Variants in ANK3 observed in about 807,000 individuals in gnomAD.
The protein encoded by ANK3 is ankyrin-3.
Under a neutral mutation model 370.9 loss-of-function variants are expected in ANK3, and 57 were observed. The observed-to-expected ratio is 0.15, with a 90% CI of 0.12 to 0.19. The LOEUF is 0.19. ANK3 is among the 10% of genes least tolerant of loss of function. The pLI, the probability that ANK3 is intolerant of heterozygous loss-of-function variation, is 1.00. For synonymous variants in ANK3, 1,929 were observed against 1,946.3 expected, an observed-to-expected ratio of 0.99 and a Z score of 0.23; for missense variants, 4,439 against 5,302.1, an observed-to-expected ratio of 0.84 and a Z score of 5.06.
At chr10:60,656,117 C>A (rs748491003) in intron 1 of ANK3, among the ~76,000 whole-genome samples, 7 of 152,120 alleles carry the variant, frequency 4.6e-5, no homozygotes, top group Non-Finnish European at 1.0e-4. Context: ...ATAGAACTCA[C>A]TAGGAAACCA....
intron 1 of ANK3, among the ~76,000 whole-genome samples, chr10:60,671,879 C>T (rs1197902106): frequency 6.6e-6 from 1 of 152,216 alleles, no homozygotes; most frequent in African/African-American, 2.4e-5. Context: ...TGCAAAAGAT[C>T]AGCACTGGCT....
intron 2 of ANK3, among the ~76,000 whole-genome samples, chr10:60,458,892 C>T (rs971134430): frequency 6.6e-6 from 1 of 152,020 alleles, no homozygotes; most frequent in Non-Finnish European, 1.5e-5. Flanking sequence ...CCTAAAACAT[C>T]AAGGAATTTA....
intron 43 of ANK3, among the ~76,000 whole-genome samples, chr10:60,032,194 C>CTGTTTTTTTTTTTTTT (rs2073792203): frequency 2.3e-5 from 1 of 43,114 alleles, no homozygotes; most frequent in Non-Finnish European, 4.5e-5. Flanking sequence ...TACACAGCTT[C>CTGTTTTTTTTTTTTTT]TTTTTTTTTT....
intron 21 of ANK3, among the ~76,000 whole-genome samples, chr10:60,170,143 T>C (rs2095743715): frequency 6.6e-6 from 1 of 152,238 alleles, no homozygotes; most frequent in African/African-American, 2.4e-5. Context: ...TAGATACAAT[T>C]CACATCTTTT....
chr10:60,649,626 G>T (rs1248432645), intron 1 of ANK3, among the ~76,000 whole-genome samples: 1 of 152,176 alleles, frequency 6.6e-6, no homozygotes, highest in East Asian at 1.9e-4. Flanking sequence ...TTTTCTCTAA[G>T]GCAGAGCCTT....
intron 1 of ANK3, among the ~76,000 whole-genome samples, chr10:60,690,679 C>T (rs886818492): frequency 2.6e-5 from 4 of 152,164 alleles, no homozygotes; most frequent in Non-Finnish European, 5.9e-5. Flanking sequence ...CCACCACCAT[C>T]GTCTCCCAAA....
chr10:60,598,918 T>C (rs2078023984), intron 2 of ANK3, among the ~76,000 whole-genome samples: 4 of 152,088 alleles, frequency 2.6e-5, no homozygotes, highest in Admixed American at 2.6e-4. Flanking sequence ...TGTCTGGTAG[T>C]TATTTGTGTT....
intron 1 of ANK3, among the ~76,000 whole-genome samples, chr10:60,322,506 A>G (rs77186878): frequency 2.6e-5 from 4 of 151,988 alleles, no homozygotes; most frequent in African/African-American, 9.7e-5. Context: ...AAAAAAAAAA[A>G]GACATTTAGT....
At chr10:60,248,726 G>A (rs1198185830) in intron 7 of ANK3, among the ~76,000 whole-genome samples, 1 of 152,188 alleles carries the variant, frequency 6.6e-6, no homozygotes, top group East Asian at 1.9e-4. Flanking sequence ...GAGGAGCAAA[G>A]TGAAGCTGGA....
intron 7 of ANK3, among the ~76,000 whole-genome samples, chr10:60,254,666 G>T (rs1467839828): frequency 6.6e-6 from 1 of 152,182 alleles, no homozygotes; most frequent in Non-Finnish European, 1.5e-5. Context: ...TTGCCCCTCT[G>T]CCTCTGACAT....
rs1591254636 is a variant in ANK3, at chr10:60,173,886, T to C, written c.2185-700A>G. Reference sequence around the variant, plus strand: ...CTGTGTGTGTATATGTGTGTGTATGTATGTGTATACAATCTAGATAATTAT... The same window carrying C: ...CTGTGTGTGTATATGTGTGTGTATGCATGTGTATACAATCTAGATAATTAT... On this transcript the variant is annotated intron_variant, in intron 18 of 43. Coordinates refer to ENST00000280772, the MANE Select transcript of ANK3 (RefSeq NM_020987.5). Among the ~76,000 whole-genome samples, 6 of 152,320 alleles carry C rather than the reference T, an allele frequency of 3.9e-5. 1 individual carries two copies. The highest frequency in any genetic ancestry group is 3.9e-4 in the Admixed American group (6 of 15,310).
chr10:60,088,449 G>A (rs1374190671), intron 28 of ANK3, 91 bp from the exon 29 acceptor site: 3 of 1,156,906 alleles, frequency 2.6e-6, no homozygotes, highest in East Asian at 2.5e-5. Context: ...TTTTGAGATG[G>A]AGTTTCACTC....
chr10:60,144,418 C>G (rs769075651), intron 23 of ANK3, among the ~76,000 whole-genome samples: 2 of 152,166 alleles, frequency 1.3e-5, no homozygotes, highest in African/African-American at 4.8e-5. Flanking sequence ...CATTTCGAAA[C>G]TTTTATCTTG....
intron 25 of ANK3, 65 bp downstream of exon 25, chr10:60,134,206 G>A (rs557631065): frequency 7.6e-7 from 1 of 1,313,732 alleles, no homozygotes. Flanking sequence ...ACAAGACAGA[G>A]AGCTTGATTA....
Position 60,064,159 on chromosome 10 carries a change from G to C in ANK3, c.12449C>G (p.Thr4150Arg), listed in dbSNP as rs2081176811. 1 of 1,553,616 alleles carries C rather than the reference G, an allele frequency of 6.4e-7. No homozygotes were observed. The highest frequency in any genetic ancestry group is 8.6e-7 in the Non-Finnish European group (1 of 1,160,626). ...KWVTRDGKNA[T>R]TDALTSVLTK... ...AAAATAATATAATTTCGGCATACTT[G>C]TGGCATTTTTTCCGTCTCTGGTAAC... The change falls in exon 39 of 44, where the codon ACA becomes AGA. Residue 4150 changes from threonine to arginine, a missense_variant and splice_region_variant. Coordinates refer to ENST00000280772, the MANE Select transcript of ANK3 (RefSeq NM_020987.5).
intron 1 of ANK3, among the ~76,000 whole-genome samples, chr10:60,658,936 A>C (rs539290049): frequency 1.3e-5 from 2 of 151,900 alleles, no homozygotes; most frequent in Non-Finnish European, 2.9e-5. Context: ...GGAAAAAAGA[A>C]AAGAGAAAAA....
intron 1 of ANK3, among the ~76,000 whole-genome samples, chr10:60,388,789 A>G (rs1050246912): frequency 3.3e-5 from 5 of 152,186 alleles, no homozygotes; most frequent in African/African-American, 9.7e-5. Flanking sequence ...CCCAGCAGGG[A>G]AAAACAAACC....
chr10:60,577,280 G>T (rs922287281), intron 2 of ANK3, among the ~76,000 whole-genome samples: 5 of 152,104 alleles, frequency 3.3e-5, no homozygotes, highest in Non-Finnish European at 5.9e-5. Flanking sequence ...ACTATCTCAA[G>T]TGATGTTCCT....
intron 2 of ANK3, among the ~76,000 whole-genome samples, chr10:60,481,420 T>A (rs951452589): frequency 6.6e-6 from 1 of 152,106 alleles, no homozygotes; most frequent in African/African-American, 2.4e-5. Context: ...CAGAATGGAA[T>A]TGAGCAAAAT....
Sources: gnomAD v4.1 joint callset for allele counts (sites outside exome capture counted in the v4.1 genomes callset) on GRCh38, gnomAD v4.1.1 for gene constraint, MANE v1.5 for transcripts, NCBI Gene and HGNC (gene_info 2026-07-23, HGNC 2026-07-21) for gene names.